Variants in CNBD1 observed in about 807,000 individuals in gnomAD.
The protein encoded by CNBD1 is cyclic nucleotide binding domain containing 1, also known as cyclic nucleotide-binding domain-containing protein 1.
Under a neutral mutation model 54.4 loss-of-function variants are expected in CNBD1, and 71 were observed. The observed-to-expected ratio is 1.30, with a 90% confidence interval of 1.08 to 1.59. The LOEUF is 1.59. CNBD1 is among the 40% of genes most tolerant of loss of function. CNBD1 has a pLI of 0.00. For synonymous variants in CNBD1, 182 were observed against 170.7 expected (o/e 1.07, Z -0.51); for missense variants, 659 against 518.0 (o/e 1.27, Z -2.64).
chr8:87,177,356 G>A (rs541622599), intron 4 of CNBD1, among the ~76,000 whole-genome samples: 3 of 152,302 alleles, frequency 2.0e-5, no homozygotes, highest in South Asian at 2.1e-4. Context: ...GAATCTCACA[G>A]TGTTGAAAAC....
At chr8:86,982,662 C>T (rs1398575692) in intron 4 of CNBD1, among the ~76,000 whole-genome samples, 2 of 152,068 alleles carry the variant, frequency 1.3e-5, no homozygotes, top group Non-Finnish European at 2.9e-5. Context: ...ATTCCTATGC[C>T]AGCATAACAT....
chr8:87,021,662 T>G (rs1482665243), intron 4 of CNBD1, among the ~76,000 whole-genome samples: 1 of 152,180 alleles, frequency 6.6e-6, no homozygotes, highest in African/African-American at 2.4e-5. Flanking sequence ...CCATTGACAC[T>G]TGTAGGGTAG....
At chr8:87,228,527 G>A (rs919788927) in intron 5 of CNBD1, among the ~76,000 whole-genome samples, 20 of 150,096 alleles carry the variant, frequency 1.3e-4, no homozygotes, top group Admixed American at 2.6e-4. Flanking sequence ...GCCCCTGCTG[G>A]GGGGTGCCTC....
rs1292164596 is a variant in CNBD1, at chr8:87,363,968, G to T, written c.1303+10182G>T. The stretch of plus-strand genomic sequence containing the variant: ...GAATGGTATTGCCTAGGAAATTTTG[G>T]TTTTTTTTTTTTTAAACGAATGAAA... On this transcript the variant is annotated intron_variant, in intron 10 of 10. Coordinates refer to ENST00000518476, the MANE Select transcript of CNBD1 (RefSeq NM_173538.3). 9.5e-4 allele frequency among the ~76,000 whole-genome samples: 137 copies of T among 144,740 alleles called. 1 individual carries two copies. The highest frequency in any genetic ancestry group is 3.6e-3 in the Middle Eastern group (1 of 278). The allele number at this position is 144,740 out of a possible 152,430, so 95.0% of individuals were successfully genotyped here.
At chr8:86,927,804 A>C (rs1809388649) in intron 3 of CNBD1, among the ~76,000 whole-genome samples, 1 of 152,170 alleles carries the variant, frequency 6.6e-6, no homozygotes. Context: ...GTTTTTCCTC[A>C]GGATAAGCTG....
intron 4 of CNBD1, among the ~76,000 whole-genome samples, chr8:86,961,143 T>TA (rs1807918418): frequency 6.6e-6 from 1 of 152,190 alleles, no homozygotes; most frequent in African/African-American, 2.4e-5. Flanking sequence ...AGTGTACAAA[T>TA]AAACACATCT....
chr8:87,018,511 C>A (rs981233541), intron 4 of CNBD1, among the ~76,000 whole-genome samples: 1 of 152,058 alleles, frequency 6.6e-6, no homozygotes, highest in Non-Finnish European at 1.5e-5. Flanking sequence ...CTAAAAAGTA[C>A]TACATTATAA....
In CNBD1 at chr8:87,358,277, A is replaced by G. The variant is rs200159246; in HGVS notation, c.1303+4491A>G. ...AACTCAAAATGAAAAAAATTAATTC[A>G]AATTCATATGTCTAATTTTAAAAGT... On this transcript the variant is annotated intron_variant, in intron 10 of 10. Transcript: ENST00000518476. Among the ~76,000 whole-genome samples the G allele has an allele frequency of 1.1e-4, 16 of 152,334 alleles. No homozygotes were observed. The East Asian group carries it at 2.7e-3, about 26-fold the overall frequency.
At chr8:87,402,390 A>G (rs1807580022) in intron 2 of CNBD1, among the ~76,000 whole-genome samples, 1 of 152,074 alleles carries the variant, frequency 6.6e-6, no homozygotes, top group Non-Finnish European at 1.5e-5. Context: ...GTAGTGAGCA[A>G]TCAACTTAAG....
At chr8:87,314,984 T>C (rs1278919838) in intron 8 of CNBD1, among the ~76,000 whole-genome samples, 4 of 152,060 alleles carry the variant, frequency 2.6e-5, no homozygotes, top group African/African-American at 9.7e-5. Context: ...AAAATAGTAG[T>C]AGGATTTTTT....
rs191014020 is a variant in CNBD1 at position 87,307,476 on chromosome 8, G to C, written c.1042+20805G>C. ...GCAAGGGCTGCGTGCACTGGCTCAT[G>C]CCTGTAATCCCAGCATGTTTGGAGG... On this transcript the variant is annotated intron_variant, in intron 8 of 10. Transcript: ENST00000518476. 4.6e-5 allele frequency among the ~76,000 whole-genome samples: 7 copies of C among 152,286 alleles called. No homozygotes were observed. In the East Asian group the frequency reaches 1.4e-3, roughly 29 times the overall value.
chr8:87,018,255 A>C (rs1809409117), intron 4 of CNBD1, among the ~76,000 whole-genome samples: 1 of 152,200 alleles, frequency 6.6e-6, no homozygotes, highest in South Asian at 2.1e-4. Context: ...AAAACAAAAC[A>C]AAAAACAAAA....
chr8:86,981,196 G>T (rs1174576789), intron 4 of CNBD1, among the ~76,000 whole-genome samples: 1 of 152,204 alleles, frequency 6.6e-6, no homozygotes. Context: ...CGCGCATTGT[G>T]TACTCACACA....
At chr8:87,312,132 T>C (rs977299969) in intron 8 of CNBD1, among the ~76,000 whole-genome samples, 1 of 152,064 alleles carries the variant, frequency 6.6e-6, no homozygotes, top group Admixed American at 6.6e-5. Flanking sequence ...AATCTCTAAT[T>C]TAGGCATTTT....
At position 87,309,004 on chromosome 8, in the gene CNBD1, A is replaced by G. The variant is rs1378624583; in HGVS notation, c.1042+22333A>G. 3.3e-5 allele frequency among the ~76,000 whole-genome samples: 5 copies of G among 152,150 alleles called. No homozygotes were observed. In the East Asian group the frequency reaches 9.6e-4, roughly 29 times the overall value. On this transcript the variant is annotated intron_variant, in intron 8 of 10. Transcript: ENST00000518476. Reference sequence around the variant, plus strand: ...TCCATTCATTTCTTGATGGACATTTACATAGATTCCATAACTTGGCTATTG... The same window carrying G: ...TCCATTCATTTCTTGATGGACATTTGCATAGATTCCATAACTTGGCTATTG...
chr8:87,311,558 A>G (rs1171146269), intron 8 of CNBD1, among the ~76,000 whole-genome samples: 2 of 152,034 alleles, frequency 1.3e-5, no homozygotes, highest in Non-Finnish European at 2.9e-5. Flanking sequence ...CAAAGAAAAA[A>G]TGGAACTACT....
At chr8:87,146,529 G>T (rs1253213476) in intron 4 of CNBD1, among the ~76,000 whole-genome samples, 1 of 151,984 alleles carries the variant, frequency 6.6e-6, no homozygotes, top group East Asian at 1.9e-4. Context: ...TCATCTTTAT[G>T]CTGGTAAACA....
chr8:87,303,908 A>G (rs867917675), intron 8 of CNBD1, among the ~76,000 whole-genome samples: 1 of 152,214 alleles, frequency 6.6e-6, no homozygotes, highest in Admixed American at 6.5e-5. Flanking sequence ...ACTGGCCATC[A>G]GAGAAATGCA....
At chr8:87,014,186 T>G (rs1809303989) in intron 4 of CNBD1, among the ~76,000 whole-genome samples, 1 of 151,128 alleles carries the variant, frequency 6.6e-6, no homozygotes, top group Non-Finnish European at 1.5e-5. Flanking sequence ...TTTTTCAAGT[T>G]CATGTGACTT....
Sources: gnomAD v4.1 joint callset for allele counts (sites outside exome capture counted in the v4.1 genomes callset) on GRCh38, gnomAD v4.1.1 for gene constraint, MANE v1.5 for transcripts, NCBI Gene and HGNC (gene_info 2026-07-23, HGNC 2026-07-21) for gene names.